The following TMEM18 variants were observed in gnomAD, a reference collection of about 807,000 sequenced individuals.
TMEM18 encodes the protein transmembrane protein 18.
TMEM18 carries 14 observed loss-of-function variants against 17.4 expected under a neutral mutation model. That is an observed-to-expected ratio of 0.80 (90% CI 0.53 to 1.25). TMEM18 has a LOEUF of 1.25. Ranked by LOEUF, TMEM18 falls within the 50% of genes most tolerant of loss-of-function variation. The pLI, the probability that TMEM18 is intolerant of heterozygous loss-of-function variation, is 0.00. For synonymous variants in TMEM18, 86 were observed against 66.1 expected (o/e 1.30, Z -1.46); for missense variants, 187 against 172.1 (o/e 1.09, Z -0.48).
At position 675,585 on chromosome 2, in the gene TMEM18, G is replaced by A; in HGVS notation, c.103C>T (p.His35Tyr). ...CAGGTGAGGAGCACGCAGAGCGCGT[G>A]GAAGGTGGCCAGCCCCATGAGCCAG... ...EPWLMGLATF[H>Y]ALCVLLTCLS... is the part of the protein sequence containing the mutation. Residue 35 changes from histidine to tyrosine, a missense_variant, in exon 2 of 5, where the codon CAC (histidine) becomes TAC (tyrosine). Physicochemically the swap from His to Tyr is moderately conservative, Grantham distance 83 (BLOSUM62 2). Transcript: ENST00000281017. The A allele has an allele frequency of 2.5e-6, 4 of 1,614,194 alleles. No individual in the cohort carries two copies. The highest frequency in any genetic ancestry group is 3.4e-6 in the Non-Finnish European group (4 of 1,180,044).
At position 665,408 on chromosome 2, in the gene TMEM18, T is replaced by TAGAG. The variant is rs1678658002; in HGVS notation, c.*4171_*4172insCTCT. ...GATGCAGATGCCCCATTCACTCAGA[T>TAGAG]AATCAACCCCACATACAACAGGACC... On this transcript the variant is annotated 3_prime_UTR_variant, in exon 5 of 5. Coordinates refer to ENST00000281017, the MANE Select transcript of TMEM18 (RefSeq NM_152834.4). Among the ~76,000 whole-genome samples, 3 of 131,006 alleles carry TAGAG rather than the reference T, an allele frequency of 2.3e-5. No homozygotes were observed. The highest frequency in any genetic ancestry group is 2.3e-4 in the East Asian group (1 of 4,364). 85.9% of individuals were successfully genotyped at this position (131,006 alleles called of 152,430 possible). A position where few individuals can be genotyped will look rare whatever the true frequency, so the allele number is the denominator to read the frequency against.
chr2:677,377 C>T lies in TMEM18; in HGVS notation c.-32G>A. On this transcript the variant is annotated 5_prime_UTR_variant, in exon 1 of 5. Coordinates refer to ENST00000281017, the MANE Select transcript of TMEM18 (RefSeq NM_152834.4). ...GGGAAGCCCGCTCTCACAGCAACCG[C>T]CGAACCCGGCCTGGCCAGAATCCAC... 6.2e-7 allele frequency: 1 copy of T among 1,606,646 alleles called. No individual in the cohort carries two copies. The highest frequency in any genetic ancestry group is 1.7e-5 in the Admixed American group (1 of 59,000).
intron 3 of TMEM18, 48 bp from the exon 4 acceptor site, chr2:669,898 A>C: frequency 7.0e-7 from 1 of 1,425,858 alleles, no homozygotes; most frequent in Middle Eastern, 1.8e-4. Flanking sequence ...ACAACCAAAA[A>C]GTTCTAGTGA....
In TMEM18 at chr2:676,106, T is replaced by C. The variant is rs532572862; in HGVS notation, c.58-476A>G. The C allele has an allele frequency of 7.1e-5, 94 of 1,322,694 alleles. 2 individuals carry two copies. In the East Asian group the frequency reaches 3.7e-3, roughly 52 times the overall value. The allele number at this position is 1,322,694 out of a possible 1,614,324, so 81.9% of individuals were successfully genotyped here. A position where few individuals can be genotyped will look rare whatever the true frequency, so the allele number is the denominator to read the frequency against. On this transcript the variant is annotated intron_variant, in intron 1 of 4. Transcript: ENST00000281017. Reference sequence around the variant, plus strand: ...TCATTTCAGACTCCTTAGTCAGCACTGAAGACCTCAGGGAATCTTGAGCCA... The same window carrying C: ...TCATTTCAGACTCCTTAGTCAGCACCGAAGACCTCAGGGAATCTTGAGCCA...
chr2:670,374 G>C (rs999862896), intron 3 of TMEM18: 2 of 155,956 alleles, frequency 1.3e-5, no homozygotes, highest in Non-Finnish European at 2.8e-5. Context: ...TAGCAGAAGA[G>C]ACTGAGGAAG....
chr2:674,285 C>T (rs556693829), intron 2 of TMEM18, among the ~76,000 whole-genome samples: 1 of 152,332 alleles, frequency 6.6e-6, no homozygotes, highest in Non-Finnish European at 1.5e-5. Context: ...GAAGCCATCA[C>T]CTTTCTTTGA....
rs559346703 is a variant in TMEM18 at position 664,926 on chromosome 2, T to C, written c.*4654A>G. ...TTTACTATGCAGGCATTGAAAATAA[T>C]GTTATATAGTGAAATAGCATCATGA... is the stretch of plus-strand genomic sequence containing the variant. On this transcript the variant is annotated 3_prime_UTR_variant, in exon 5 of 5. Transcript: ENST00000281017. 7.9e-5 allele frequency among the ~76,000 whole-genome samples: 12 copies of C among 152,334 alleles called. No homozygotes were observed. Among genetic ancestry groups the C allele is most frequent in the African/African-American group, 2.4e-4 (10 of 41,572 alleles).
chr2:672,863 C>T lies in TMEM18; in HGVS notation c.179-1G>A, dbSNP rs148269569. 167 of 1,508,692 alleles carry T rather than the reference C, an allele frequency of 1.1e-4. No homozygotes were observed. Among genetic ancestry groups the T allele is most frequent in the Non-Finnish European group, 1.3e-4 (146 of 1,142,012 alleles). The allele number at this position is 1,508,692 out of a possible 1,614,324, so 93.5% of individuals were successfully genotyped here. A position where few individuals can be genotyped will look rare whatever the true frequency, so the allele number is the denominator to read the frequency against. On this transcript the variant is annotated splice_acceptor_variant, in intron 2 of 4. Coordinates refer to ENST00000281017, the MANE Select transcript of TMEM18 (RefSeq NM_152834.4). LOFTEE classifies it high-confidence loss of function. The stretch of plus-strand genomic sequence containing the variant: ...TATTCAGCACAGTAGACTAAGATGA[C>T]TGAAAAAAGGTACAAGTCATATTAG...
At position 668,394 on chromosome 2, in the gene TMEM18, G is replaced by A. The variant is rs1363093319; in HGVS notation, c.*1186C>T. On this transcript the variant is annotated 3_prime_UTR_variant, in exon 5 of 5. Coordinates refer to ENST00000281017, the MANE Select transcript of TMEM18 (RefSeq NM_152834.4). ...ACGGCCCTGGACAATGCTACAGGGA[G>A]GACACATTACCTTAATCATCTTTCT... 6.6e-6 allele frequency: 1 copy of A among 152,218 alleles called. No individual in the cohort carries two copies. The highest frequency in any genetic ancestry group is 2.4e-5 in the African/African-American group (1 of 41,444). 9.4% of individuals were successfully genotyped at this position (152,218 alleles called of 1,614,324 possible). A position where few individuals can be genotyped will look rare whatever the true frequency, so the allele number is the denominator to read the frequency against.
intron 1 of TMEM18, chr2:676,759 G>A (rs1243953686): frequency 8.3e-6 from 8 of 959,604 alleles, no homozygotes; most frequent in Non-Finnish European, 1.1e-5. Context: ...ACACGATCAG[G>A]CTCCACCACG....
chr2:664,025 C>CA lies in TMEM18; in HGVS notation c.*5554dup, dbSNP rs1227499441. On this transcript the variant is annotated 3_prime_UTR_variant, in exon 5 of 5. Coordinates refer to ENST00000281017, the MANE Select transcript of TMEM18 (RefSeq NM_152834.4). ...CCCTTTTTTTACCTGGATGCTTGAG[C>CA]AAAAGGATATTCGGTTTGGAGGCTA... 1.3e-5 allele frequency among the ~76,000 whole-genome samples: 2 copies of CA among 152,132 alleles called. No individual in the cohort carries two copies. The highest frequency in any genetic ancestry group is 4.8e-5 in the African/African-American group (2 of 41,428).
intron 1 of TMEM18, chr2:677,063 G>GGCCCCCTCCCACAGGGCCCAGGACCCC: frequency 5.3e-6 from 1 of 189,780 alleles, no homozygotes; most frequent in Non-Finnish European, 8.8e-6. Flanking sequence ...GCCCGGCCCC[G>GGCCCCCTCCCACAGGGCCCAGGACCCC]GCCCCCTCCC....
intron 3 of TMEM18, among the ~76,000 whole-genome samples, chr2:671,971 G>T (rs1280004176): frequency 6.7e-6 from 1 of 149,834 alleles, no homozygotes; most frequent in African/African-American, 2.5e-5. Flanking sequence ...GGAGGGAAAG[G>T]CTGAGCAGGG....
intron 1 of TMEM18, 80 bp from the exon 2 acceptor site, chr2:675,710 C>T: frequency 6.4e-7 from 1 of 1,571,894 alleles, no homozygotes; most frequent in Non-Finnish European, 8.6e-7. Flanking sequence ...CTTCTCCCAG[C>T]GCAGGAGGCA....
intron 3 of TMEM18, chr2:670,967 G>GC (rs1040009323): frequency 6.6e-6 from 1 of 152,418 alleles, no homozygotes; most frequent in African/African-American, 2.4e-5. Flanking sequence ...GGGGTGAAGG[G>GC]CATGGAACAC....
chr2:677,338 G>A lies in TMEM18; in HGVS notation c.8C>T (p.Ser3Phe), dbSNP rs1430483349. 1.9e-6 allele frequency: 3 copies of A among 1,612,204 alleles called. No individual in the cohort carries two copies. The highest frequency in any genetic ancestry group is 1.6e-4 in the Middle Eastern group (1 of 6,082). The change falls in exon 1 of 5, where the codon TCC (serine) becomes TTC (phenylalanine). Residue 3 changes from serine (S) to phenylalanine (F), a missense_variant. Coordinates refer to ENST00000281017, the MANE Select transcript of TMEM18 (RefSeq NM_152834.4). MP[S>F]AFSVSSFPVS... Reference sequence around the variant, plus strand: ...GGGGAAAGAGCTGACAGAGAAGGCGGACGGCATGGTGTTGGGAAGCCCGCT... The same window carrying A: ...GGGGAAAGAGCTGACAGAGAAGGCGAACGGCATGGTGTTGGGAAGCCCGCT...
In TMEM18 at chr2:667,902, G is replaced by A. The variant is rs1223575050; in HGVS notation, c.*1678C>T. ...ATTCAATCACACGGCCCCATATTAA[G>A]TCCAAATAACATATAGATGTTTAAT... On this transcript the variant is annotated 3_prime_UTR_variant, in exon 5 of 5. Transcript: ENST00000281017. The A allele has an allele frequency of 1.3e-5, 2 of 152,170 alleles. No homozygotes were observed. The highest frequency in any genetic ancestry group is 4.8e-5 in the African/African-American group (2 of 41,440). The allele number at this position is 152,170 out of a possible 1,614,324, so 9.4% of individuals were successfully genotyped here.
rs778362528 is a variant in TMEM18, at chr2:677,276, G to C, written c.57+13C>G. On this transcript the variant is annotated intron_variant, in intron 1 of 4. Transcript: ENST00000281017. ...CCTCCCCCGAACTGGTGGTTACGCG[G>C]GCCGCGAGTTACCGTGAGCACGGCT... 2.5e-6 allele frequency: 4 copies of C among 1,609,038 alleles called. No individual in the cohort carries two copies. Among genetic ancestry groups the C allele is most frequent in the Middle Eastern group, 3.3e-4 (2 of 6,030 alleles).
intron 1 of TMEM18, chr2:676,743 C>A: frequency 8.8e-7 from 1 of 1,139,792 alleles, no homozygotes; most frequent in South Asian, 1.5e-5. Flanking sequence ...TCCTCCGTGC[C>A]ACCCCACACG....
Sources: gnomAD v4.1 joint callset for allele counts (sites outside exome capture counted in the v4.1 genomes callset) on GRCh38, gnomAD v4.1.1 for gene constraint, MANE v1.5 for transcripts, NCBI Gene and HGNC (gene_info 2026-07-23, HGNC 2026-07-21) for gene names.